PIGK: variants seen among roughly 807,000 people sequenced by gnomAD.
PIGK encodes GPI-anchor transamidase.
In PIGK, 42 loss-of-function variants were observed where a neutral mutation model predicts 50.6. That is an observed-to-expected ratio of 0.83 (90% CI 0.65 to 1.07). PIGK has a LOEUF of 1.07. Among genes scored for constraint, PIGK ranks in the 50% least tolerant of loss-of-function variants. The probability of loss-of-function intolerance (pLI) is 0.00; values close to 1 mark genes in which losing one functional copy is unlikely to be tolerated. For missense variants in PIGK, 448 were observed against 488.7 expected (o/e 0.92, Z 0.78); for synonymous variants, 151 against 156.0 (o/e 0.97, Z 0.24).
intron 10 of PIGK, among the ~76,000 whole-genome samples, chr1:77,093,929 A>C (rs944657008): frequency 5.9e-5 from 9 of 152,264 alleles, no homozygotes; most frequent in Middle Eastern, 6.8e-3. Context: ...TACTGTGACA[A>C]ATCTTAATTC....
intron 10 of PIGK, 146 bp downstream of exon 10, chr1:77,122,129 T>A: frequency 2.1e-6 from 1 of 465,930 alleles, no homozygotes; most frequent in Non-Finnish European, 3.8e-6. Flanking sequence ...GACTTTCAAC[T>A]GTAATAGGGG....
rs910717797 is a variant in PIGK at position 77,130,968 on chromosome 1, C to G, written c.987-8609G>C. Among the ~76,000 whole-genome samples, 7 of 152,098 alleles carry G rather than the reference C, an allele frequency of 4.6e-5. 1 individual carries two copies. The highest frequency in any genetic ancestry group is 1.7e-4 in the African/African-American group (7 of 41,492). ...AATAGTGTTGGGTATTTATTAAATA[C>G]TGGAAGTTTAAGAGAAATTGAATTG... On this transcript the variant is annotated intron_variant, in intron 9 of 10. Coordinates refer to ENST00000370812, the MANE Select transcript of PIGK (RefSeq NM_005482.3).
chr1:77,206,865 C>T, intron 2 of PIGK, 134 bp from the exon 3 acceptor site: 2 of 548,988 alleles, frequency 3.6e-6, no homozygotes, highest in Non-Finnish European at 6.4e-6. Flanking sequence ...AAACAGCAAA[C>T]ACAAAAAATT....
chr1:77,101,990 G>C (rs1226093905), intron 10 of PIGK, among the ~76,000 whole-genome samples: 2 of 152,156 alleles, frequency 1.3e-5, no homozygotes, highest in Non-Finnish European at 2.9e-5. Flanking sequence ...GCGACAGAGT[G>C]AGAATCCATC....
chr1:77,123,965 G>C (rs1157901566), intron 9 of PIGK, among the ~76,000 whole-genome samples: 1 of 151,708 alleles, frequency 6.6e-6, no homozygotes, highest in East Asian at 1.9e-4. Flanking sequence ...AATATGACTG[G>C]TATCTTTATA....
chr1:77,134,651 T>C (rs974283302), intron 9 of PIGK, among the ~76,000 whole-genome samples: 6 of 152,090 alleles, frequency 3.9e-5, no homozygotes, highest in South Asian at 2.1e-4. Context: ...CTCTGAGAAG[T>C]TTCCCCAAAT....
chr1:77,153,496 T>C (rs372387484), intron 9 of PIGK: 2 of 152,248 alleles, frequency 1.3e-5, no homozygotes, highest in South Asian at 2.1e-4. Flanking sequence ...AAAATAGTAA[T>C]GTACCCAACA....
rs1570263830 is a variant in PIGK, at chr1:77,206,524, A to G, written c.239+116T>C. Reference sequence around the variant, plus strand: ...CTCTAATGAGAACAAAAAATCTTCAAATCAGATTTTTTTTTTTACCTTTTT... The same window carrying G: ...CTCTAATGAGAACAAAAAATCTTCAGATCAGATTTTTTTTTTTACCTTTTT... On this transcript the variant is annotated intron_variant, in intron 3 of 10. Transcript: ENST00000370812. 4 of 654,202 alleles carry G rather than the reference A, an allele frequency of 6.1e-6. No individual in the cohort carries two copies. The East Asian group carries it at 1.1e-4, about 18-fold the overall frequency. 40.5% of individuals were successfully genotyped at this position (654,202 alleles called of 1,614,324 possible). A position where few individuals can be genotyped will look rare whatever the true frequency, so the allele number is the denominator to read the frequency against.
At chr1:77,212,497 A>G (rs1656442551) in intron 1 of PIGK, among the ~76,000 whole-genome samples, 1 of 152,196 alleles carries the variant, frequency 6.6e-6, no homozygotes, top group Non-Finnish European at 1.5e-5. Context: ...TTGTACACAC[A>G]TCTGTACCTG....
chr1:77,210,842 T>G (rs1656402262), intron 1 of PIGK, among the ~76,000 whole-genome samples: 1 of 152,054 alleles, frequency 6.6e-6, no homozygotes, highest in Non-Finnish European at 1.5e-5. Context: ...CACAGGGCTC[T>G]TTTAGAGAAC....
At chr1:77,173,076 G>C (rs990904468) in intron 3 of PIGK, among the ~76,000 whole-genome samples, 2 of 152,132 alleles carry the variant, frequency 1.3e-5, no homozygotes, top group African/African-American at 4.8e-5. Flanking sequence ...GTAAAAATGA[G>C]ATTCTTAATT....
intron 3 of PIGK, among the ~76,000 whole-genome samples, chr1:77,176,564 G>A (rs1248917326): frequency 6.6e-6 from 1 of 152,104 alleles, no homozygotes; most frequent in Non-Finnish European, 1.5e-5. Context: ...CCAGTTAATT[G>A]CTTAATGCTC....
intron 10 of PIGK, among the ~76,000 whole-genome samples, chr1:77,119,553 T>G (rs1490617870): frequency 6.6e-6 from 1 of 152,246 alleles, no homozygotes; most frequent in African/African-American, 2.4e-5. Context: ...AGGTATACAG[T>G]CATATTTTCT....
Position 77,089,470 on chromosome 1 carries a change from A to C in PIGK, c.*2904T>G, listed in dbSNP as rs1424786326. ...CTGAAAAAAGTTATATGTTAATGCA[A>C]CATTTGTTGTAAAGATTCCAGAAAC... On this transcript the variant is annotated 3_prime_UTR_variant, in exon 11 of 11. Coordinates refer to ENST00000370812, the MANE Select transcript of PIGK (RefSeq NM_005482.3). 1 of 152,588 alleles carries C rather than the reference A, an allele frequency of 6.6e-6. No homozygotes were observed. The highest frequency in any genetic ancestry group is 1.5e-5 in the Non-Finnish European group (1 of 68,036). 9.5% of individuals were successfully genotyped at this position (152,588 alleles called of 1,614,324 possible). A position where few individuals can be genotyped will look rare whatever the true frequency, so the allele number is the denominator to read the frequency against.
intron 8 of PIGK, among the ~76,000 whole-genome samples, chr1:77,156,639 A>T (rs561901872): frequency 7.2e-5 from 11 of 152,192 alleles, no homozygotes; most frequent in Non-Finnish European, 1.3e-4. Flanking sequence ...CATTATTCCA[A>T]CTTCCATGTG....
At chr1:77,112,240 T>A (rs918837386) in intron 10 of PIGK, among the ~76,000 whole-genome samples, 6 of 151,782 alleles carry the variant, frequency 4.0e-5, no homozygotes, top group Non-Finnish European at 8.8e-5. Context: ...TAATCTTAAC[T>A]CTTATCAGGA....
chr1:77,122,272 A>AACCTG lies in PIGK; in HGVS notation c.1069_1071+2dup. On this transcript the variant is annotated splice_region_variant and intron_variant, in intron 10 of 10. Transcript: ENST00000370812. ...TTTCAAAAGAATAAAATGAAATGCA[A>AACCTG]ACCTGGTGTATTATCTGAGCTACAG... is the stretch of plus-strand genomic sequence containing the variant. 1 of 1,547,160 alleles carries AACCTG rather than the reference A, an allele frequency of 6.5e-7. No individual in the cohort carries two copies. Among genetic ancestry groups the AACCTG allele is most frequent in the Non-Finnish European group, 8.9e-7 (1 of 1,122,712 alleles).
intron 3 of PIGK, among the ~76,000 whole-genome samples, chr1:77,205,695 A>C (rs1237798626): frequency 6.6e-6 from 1 of 152,106 alleles, no homozygotes; most frequent in Non-Finnish European, 1.5e-5. Context: ...CTCTTTCCAC[A>C]CTGACTCACT....
intron 10 of PIGK, among the ~76,000 whole-genome samples, chr1:77,097,974 T>A (rs1398821743): frequency 6.6e-6 from 1 of 151,940 alleles, no homozygotes; most frequent in Non-Finnish European, 1.5e-5. Flanking sequence ...TATTAAAAAA[T>A]ATATATAACG....
Sources: gnomAD v4.1 joint callset for allele counts (sites outside exome capture counted in the v4.1 genomes callset) on GRCh38, gnomAD v4.1.1 for gene constraint, MANE v1.5 for transcripts, NCBI Gene and HGNC (gene_info 2026-07-23, HGNC 2026-07-21) for gene names.